The following PTPRO variants were observed in gnomAD, a reference collection of about 807,000 sequenced individuals.
The protein encoded by PTPRO is protein tyrosine phosphatase receptor type O.
Under a neutral mutation model 145.2 loss-of-function variants are expected in PTPRO, and 62 were observed. The ratio of observed to expected loss-of-function variants is 0.43; its 90% CI spans 0.35 to 0.53. The LOEUF (loss-of-function observed/expected upper bound fraction) is 0.53, where lower values mean the gene tolerates loss of function less well. PTPRO is among the 20% of genes least tolerant of loss of function. PTPRO has a pLI of 0.01. For synonymous variants in PTPRO, 565 were observed against 514.7 expected, an observed-to-expected ratio of 1.10 and a Z score of -1.32; for missense variants, 1,345 against 1,482.7, an observed-to-expected ratio of 0.91 and a Z score of 1.53.
intron 1 of PTPRO, among the ~76,000 whole-genome samples, chr12:15,325,949 TATC>T (rs1866433694): frequency 6.6e-6 from 1 of 152,212 alleles, no homozygotes; most frequent in Admixed American, 6.5e-5. Context: ...TTACCAGAGA[TATC>T]ATCAAAGAAT....
intron 26 of PTPRO, chr12:15,595,324 C>G (rs962236477): frequency 2.6e-5 from 11 of 423,994 alleles, no homozygotes; most frequent in Non-Finnish European, 4.9e-5. Context: ...TCCCTCTACC[C>G]AGAACCCTAA....
chr12:15,423,454 A>C, intron 1 of PTPRO, among the ~76,000 whole-genome samples: 1 of 151,144 alleles, frequency 6.6e-6, no homozygotes. Flanking sequence ...TAGAAGTGTA[A>C]ATTGAGGTGG....
chr12:15,537,787 T>C (rs1943095289), intron 12 of PTPRO, among the ~76,000 whole-genome samples: 1 of 152,098 alleles, frequency 6.6e-6, no homozygotes, highest in Non-Finnish European at 1.5e-5. Flanking sequence ...AGACTTGGTG[T>C]GATGTCCTTG....
intron 11 of PTPRO, 76 bp from the exon 12 acceptor site, chr12:15,526,066 A>C: frequency 1.3e-6 from 2 of 1,555,458 alleles, no homozygotes; most frequent in South Asian, 1.1e-5. Flanking sequence ...TGTCTGCTAT[A>C]GTCCTTTAGT....
chr12:15,511,003 CAAAAA>C (rs10648692), intron 7 of PTPRO, among the ~76,000 whole-genome samples: 1 of 105,650 alleles, frequency 9.5e-6, no homozygotes, highest in Non-Finnish European at 1.9e-5. Context: ...TCTGTCTCCA[CAAAAA>C]AAAAAAAAAA....
At chr12:15,513,089 AAAG>A (rs879610617) in intron 7 of PTPRO, among the ~76,000 whole-genome samples, 4,775 of 38,482 alleles carry the variant, frequency 0.12, 671 homozygotes, top group Admixed American at 0.22. Context: ...AGAAAGAAAG[AAAG>A]AAGAAAGAAA....
At chr12:15,587,123 A>G (rs544954150) in intron 24 of PTPRO, 72 bp downstream of exon 24, 6 of 1,529,008 alleles carry the variant, frequency 3.9e-6, no homozygotes, top group East Asian at 2.3e-5. Context: ...TCACCATTCC[A>G]TAAGCCCTTA....
intron 1 of PTPRO, among the ~76,000 whole-genome samples, chr12:15,329,736 A>G (rs1023155544): frequency 1.3e-5 from 2 of 152,218 alleles, no homozygotes; most frequent in Non-Finnish European, 2.9e-5. Flanking sequence ...TGGCAGTGGC[A>G]TATTGGGAAC....
At chr12:15,421,487 C>T (rs1161825250) in intron 1 of PTPRO, among the ~76,000 whole-genome samples, 1 of 152,152 alleles carries the variant, frequency 6.6e-6, no homozygotes, top group East Asian at 1.9e-4. Context: ...AGGCATAGTA[C>T]AACTAGTGCC....
chr12:15,485,272 G>A (rs1941861696), intron 2 of PTPRO, among the ~76,000 whole-genome samples: 1 of 152,014 alleles, frequency 6.6e-6, no homozygotes, highest in Non-Finnish European at 1.5e-5. Flanking sequence ...TAAAAATTAG[G>A]AATGGCATAG....
intron 1 of PTPRO, among the ~76,000 whole-genome samples, chr12:15,339,061 A>G (rs1158948928): frequency 6.6e-6 from 1 of 152,222 alleles, no homozygotes; most frequent in Non-Finnish European, 1.5e-5. Context: ...GTATTAGTTT[A>G]TAAATGAATG....
intron 2 of PTPRO, among the ~76,000 whole-genome samples, chr12:15,496,101 C>T (rs1182093688): frequency 1.5e-5 from 2 of 137,678 alleles, no homozygotes; most frequent in African/African-American, 2.6e-5. Flanking sequence ...GTTCCAACAG[C>T]TTTTAAATTT....
intron 23 of PTPRO, among the ~76,000 whole-genome samples, chr12:15,584,155 A>C (rs1450654180): frequency 6.6e-6 from 1 of 152,206 alleles, no homozygotes; most frequent in Non-Finnish European, 1.5e-5. Flanking sequence ...CTGCCTCCCC[A>C]GTATACTGTG....
At chr12:15,518,625 C>T (rs549968391) in intron 9 of PTPRO, among the ~76,000 whole-genome samples, 5 of 152,294 alleles carry the variant, frequency 3.3e-5, no homozygotes, top group East Asian at 3.9e-4. Context: ...ACCAAGTCAC[C>T]TCTTGAATGC....
chr12:15,397,260 A>T (rs745811181), intron 1 of PTPRO, among the ~76,000 whole-genome samples: 4 of 152,214 alleles, frequency 2.6e-5, no homozygotes, highest in Non-Finnish European at 5.9e-5. Flanking sequence ...GCAAGCGAAG[A>T]ACAGAAATAA....
intron 1 of PTPRO, among the ~76,000 whole-genome samples, chr12:15,453,501 TATAAC>T (rs1941099115): frequency 6.6e-6 from 1 of 152,148 alleles, no homozygotes; most frequent in Non-Finnish European, 1.5e-5. Context: ...TAGCAGATAA[TATAAC>T]ATAGCAGATA....
At chr12:15,373,452 G>A (rs1174969650) in intron 1 of PTPRO, among the ~76,000 whole-genome samples, 1 of 152,102 alleles carries the variant, frequency 6.6e-6, no homozygotes, top group Non-Finnish European at 1.5e-5. Flanking sequence ...GATTTCTTAA[G>A]TTTTCAGAAG....
intron 12 of PTPRO, among the ~76,000 whole-genome samples, chr12:15,541,600 C>A (rs1031396465): frequency 2.0e-5 from 3 of 152,206 alleles, no homozygotes; most frequent in African/African-American, 7.2e-5. Flanking sequence ...CTCACACGGT[C>A]TTTTCTTTGT....
Position 15,465,586 on chromosome 12 carries a change from T to C in PTPRO, c.76-18388T>C, listed in dbSNP as rs1316491959. On this transcript the variant is annotated intron_variant, in intron 1 of 26. Coordinates refer to ENST00000281171, the MANE Select transcript of PTPRO (RefSeq NM_030667.3). ...AGATTCAGACAGAAGGTTGTGAGTTTACAGGAAGAAAGAAATCGATTCTTT... is the reference window on the plus strand; with the variant it reads ...AGATTCAGACAGAAGGTTGTGAGTTCACAGGAAGAAAGAAATCGATTCTTT... 2.0e-5 allele frequency among the ~76,000 whole-genome samples: 3 copies of C among 152,216 alleles called. No homozygotes were observed. In the East Asian group the frequency reaches 5.8e-4, roughly 29 times the overall value.
Sources: allele counts gnomAD v4.1 joint callset (sites outside exome capture counted in the v4.1 genomes callset), GRCh38; gene constraint gnomAD v4.1.1; transcripts MANE v1.5; gene names NCBI Gene and HGNC (gene_info 2026-07-23, HGNC 2026-07-21).